OR3A2: variants seen among roughly 807,000 people sequenced by gnomAD.
OR3A2 encodes olfactory receptor 3A2.
For synonymous variants in OR3A2, 126 were observed against 159.3 expected (o/e 0.79, Z 1.57); for missense variants, 318 against 392.8 (o/e 0.81, Z 1.61).
At chr17:3,371,395 G>A (rs1450486927) in intron 2 of OR3A2, among the ~76,000 whole-genome samples, 16 of 147,240 alleles carry the variant, frequency 1.1e-4, no homozygotes, top group South Asian at 4.4e-4. Context: ...CCTCCCTCCC[G>A]GACGGGGTGG....
intron 2 of OR3A2, among the ~76,000 whole-genome samples, chr17:3,354,333 G>C (rs899685984): frequency 2.6e-5 from 4 of 151,178 alleles, no homozygotes; most frequent in Non-Finnish European, 1.5e-5. Flanking sequence ...TCTTTTTTGA[G>C]AAAGGTTTTG....
At chr17:3,377,452 T>C (rs1342725821) in intron 2 of OR3A2, 3 of 152,254 alleles carry the variant, frequency 2.0e-5, no homozygotes, top group African/African-American at 7.2e-5. Flanking sequence ...TCTTCCTTAA[T>C]GGGCCCACAT....
chr17:3,279,041 C>T, intron 1 of OR3A2, 35 bp downstream of exon 4: 1 of 1,498,854 alleles, frequency 6.7e-7, no homozygotes. Flanking sequence ...CCATCCCTCA[C>T]TCGTTGACCT....
intron 3 of OR3A2, among the ~76,000 whole-genome samples, chr17:3,325,085 T>C (rs946919813): frequency 1.3e-5 from 2 of 152,036 alleles, no homozygotes; most frequent in Non-Finnish European, 2.9e-5. Context: ...TTTTTATGAT[T>C]TTGTTTTTTA....
intron 3 of OR3A2, among the ~76,000 whole-genome samples, chr17:3,329,454 C>T (rs1185603062): frequency 0.03 from 4,326 of 145,038 alleles, 78 homozygotes; most frequent in Middle Eastern, 0.069. Flanking sequence ...GTGTATGTGT[C>T]GAGGAATTTA....
At chr17:3,378,454 G>A (rs552319529) in intron 2 of OR3A2, among the ~76,000 whole-genome samples, 1 of 152,208 alleles carries the variant, frequency 6.6e-6, no homozygotes, top group Admixed American at 6.5e-5. Context: ...TCAAGCCCGT[G>A]GGGGCAGGGG....
exon 2 of OR3A2, chr17:3,278,609 C>G (rs1248983757): frequency 6.9e-6 from 11 of 1,593,744 alleles, no homozygotes; most frequent in Non-Finnish European, 9.4e-6. Context: ...AGAAGAAGAG[C>G]TGGGAGAGGC....
At position 3,300,330 on chromosome 17, in the gene OR3A2, G is replaced by T. The variant is rs138624882; in HGVS notation, c.-84-21177C>A. On this transcript the variant is annotated intron_variant, in intron 3 of 4. Transcript: ENST00000573491. ...TCCTCACACTTTGGGAGGCCAAGGT[G>T]GGGGGATCACCTGAGGTCAGGAGTT... Among the ~76,000 whole-genome samples, 4 of 152,220 alleles carry T rather than the reference G, an allele frequency of 2.6e-5. No individual in the cohort carries two copies. In the South Asian group the frequency reaches 6.2e-4, roughly 24 times the overall value.
In OR3A2 at chr17:3,332,897, A is replaced by C. The variant is rs898381584; in HGVS notation, c.-85+3136T>G. Among the ~76,000 whole-genome samples, 3 of 152,332 alleles carry C rather than the reference A, an allele frequency of 2.0e-5. No individual in the cohort carries two copies. In the East Asian group the frequency reaches 5.8e-4, roughly 29 times the overall value. The stretch of plus-strand genomic sequence containing the variant: ...GTCACCTCAGGACCACTATTGTACA[A>C]ACTGATTGTAAAACGTGTGTTTGAA... On this transcript the variant is annotated intron_variant, in intron 3 of 4. Transcript: ENST00000573491.
intron 2 of OR3A2, among the ~76,000 whole-genome samples, chr17:3,379,554 A>T (rs1305082665): frequency 6.6e-6 from 1 of 152,018 alleles, no homozygotes; most frequent in African/African-American, 2.4e-5. Flanking sequence ...CTCCTCCCCC[A>T]GGTTCTGGGT....
At chr17:3,310,806 C>T (rs1468434499) in intron 3 of OR3A2, 5 of 741,210 alleles carry the variant, frequency 6.7e-6, no homozygotes, top group Admixed American at 5.7e-5. Context: ...AACTGTTGCC[C>T]TGTCTCCTCT....
chr17:3,338,161 C>T (rs1168286678), intron 2 of OR3A2, among the ~76,000 whole-genome samples: 1 of 152,152 alleles, frequency 6.6e-6, no homozygotes, highest in Non-Finnish European at 1.5e-5. Flanking sequence ...TTTGTAGATT[C>T]TGGACATTAG....
intron 2 of OR3A2, among the ~76,000 whole-genome samples, chr17:3,372,350 A>G (rs1239106928): frequency 6.8e-6 from 1 of 147,716 alleles, no homozygotes; most frequent in Admixed American, 6.7e-5. Context: ...CTGGGCAGCC[A>G]GGCAGAGGGG....
At chr17:3,312,819 T>G (rs1263672097) in intron 3 of OR3A2, among the ~76,000 whole-genome samples, 1 of 152,156 alleles carries the variant, frequency 6.6e-6, no homozygotes, top group African/African-American at 2.4e-5. Context: ...AGACGGGGTT[T>G]TACCATATTG....
intron 3 of OR3A2, among the ~76,000 whole-genome samples, chr17:3,329,479 A>C (rs1244859932): frequency 2.8e-5 from 4 of 141,530 alleles, no homozygotes; most frequent in Admixed American, 2.2e-4. Flanking sequence ...TTTCTTCTAG[A>C]TTTTCTAGTT....
intron 3 of OR3A2, among the ~76,000 whole-genome samples, chr17:3,322,505 A>C (rs1230615982): frequency 1.3e-5 from 2 of 152,102 alleles, no homozygotes; most frequent in Non-Finnish European, 2.9e-5. Context: ...TCTTGTGGGC[A>C]TTTAGTGCTA....
At chr17:3,358,863 A>G (rs1228772020) in intron 2 of OR3A2, among the ~76,000 whole-genome samples, 2 of 151,632 alleles carry the variant, frequency 1.3e-5, no homozygotes, top group African/African-American at 2.4e-5. Flanking sequence ...TGATCTGTCT[A>G]ATACTGTCAG....
intron 1 of OR3A2, among the ~76,000 whole-genome samples, chr17:3,279,713 G>C (rs749415540): frequency 1.3e-5 from 2 of 152,166 alleles, no homozygotes; most frequent in African/African-American, 2.4e-5. Context: ...GCTTGAACCC[G>C]AGACGTGGAG....
At chr17:3,330,289 T>A (rs2049218922) in intron 3 of OR3A2, among the ~76,000 whole-genome samples, 1 of 150,988 alleles carries the variant, frequency 6.6e-6, no homozygotes, top group Non-Finnish European at 1.5e-5. Flanking sequence ...GTCTCGTTGA[T>A]CTGTCTAATG....
Sources: allele counts gnomAD v4.1 joint callset (sites outside exome capture counted in the v4.1 genomes callset), GRCh38; gene constraint gnomAD v4.1.1; transcripts MANE v1.5; gene names NCBI Gene and HGNC (gene_info 2026-07-23, HGNC 2026-07-21).